The following TELO2 variants were observed in gnomAD, a reference collection of about 807,000 sequenced individuals.
The protein encoded by TELO2 is telomere length regulation protein TEL2 homolog.
In TELO2, 71 loss-of-function variants were observed where a neutral mutation model predicts 91.0. The ratio of observed to expected loss-of-function variants is 0.78; its 90% CI spans 0.64 to 0.95. The LOEUF (loss-of-function observed/expected upper bound fraction) is 0.95. TELO2 is among the 40% of genes least tolerant of loss of function. TELO2 has a pLI of 0.00. For synonymous variants in TELO2, 584 were observed against 518.9 expected, an observed-to-expected ratio of 1.13 and a Z score of -1.71; for missense variants, 1,183 against 1,141.3, an observed-to-expected ratio of 1.04 and a Z score of -0.53.
At chr16:1,498,722 G>GTGATACT (rs56079233) in intron 5 of TELO2, among the ~76,000 whole-genome samples, 1 of 151,340 alleles carries the variant, frequency 6.6e-6, no homozygotes, top group Non-Finnish European at 1.5e-5. Flanking sequence ...TTATTTCTTT[G>GTGATACT]TGTGGAATTT....
chr16:1,503,863 G>A (rs534297964), intron 15 of TELO2, among the ~76,000 whole-genome samples: 36 of 152,212 alleles, frequency 2.4e-4, no homozygotes, highest in Middle Eastern at 3.4e-3. Flanking sequence ...TGGGCGCGGC[G>A]GCTCATGCCT....
intron 19 of TELO2, 85 bp downstream of exon 19, chr16:1,507,455 T>C: frequency 6.4e-7 from 1 of 1,551,070 alleles, no homozygotes; most frequent in Admixed American, 1.8e-5. Context: ...AGCCTCGAGG[T>C]GGCTGACAGG....
rs753509937 is a variant in TELO2, at chr16:1,502,633, C to T, written c.1654-12C>T. ...GTCCGACAGGTTTCCCAGCCCTAAC[C>T]CCTGCGTGCAGGTGAGCGTGGAGCT... On this transcript the variant is annotated splice_polypyrimidine_tract_variant and intron_variant, in intron 13 of 20. Coordinates refer to ENST00000262319, the MANE Select transcript of TELO2 (RefSeq NM_016111.4). 4 of 1,609,464 alleles carry T rather than the reference C, an allele frequency of 2.5e-6. No homozygotes were observed. Among genetic ancestry groups the T allele is most frequent in the Non-Finnish European group, 1.7e-6 (2 of 1,179,518 alleles).
chr16:1,498,163 C>T (rs1052645433), intron 5 of TELO2, among the ~76,000 whole-genome samples: 3 of 151,870 alleles, frequency 2.0e-5, no homozygotes, highest in Admixed American at 6.6e-5. Flanking sequence ...TACAGGCGCC[C>T]GCCACCACAC....
Position 1,497,385 on chromosome 16 carries a change from C to A in TELO2, c.707C>A (p.Pro236His). The A allele has an allele frequency of 6.5e-7, 1 of 1,549,318 alleles. No homozygotes were observed. The highest frequency in any genetic ancestry group is 1.2e-5 in the South Asian group (1 of 83,904). The change falls in exon 5 of 21, where the codon CCC becomes CAC. Residue 236 changes from proline (P) to histidine (H), a missense_variant. Pro to His is a moderately conservative substitution (Grantham distance 77). Coordinates refer to ENST00000262319, the MANE Select transcript of TELO2 (RefSeq NM_016111.4). The surrounding 1 kb of genome is among the most constrained non-coding windows in gnomAD (Gnocchi z 4.0). Reference protein sequence around the residue: ...RQQEILGVLVPRLAALTQGSY... With the variant: ...RQQEILGVLVHRLAALTQGSY... The stretch of plus-strand genomic sequence containing the variant: ...GAGGAGATCCTGGGCGTGCTGGTAC[C>A]CCGGCTGGCAGCGCTCACCCAGGGC...
rs892030080 is a variant in TELO2, at chr16:1,509,224, C to T, written c.2408-606C>T. On this transcript the variant is annotated intron_variant, in intron 20 of 20. Coordinates refer to ENST00000262319, the MANE Select transcript of TELO2 (RefSeq NM_016111.4). ...AGCCGATCCCTTTCCACTCGGCTGG[C>T]GGGGTCCCGACAGGGTGTTCTCCTT... is the stretch of plus-strand genomic sequence containing the variant. 5.9e-5 allele frequency among the ~76,000 whole-genome samples: 9 copies of T among 152,160 alleles called. No homozygotes were observed. In the South Asian group the frequency reaches 6.2e-4, roughly 10 times the overall value.
At chr16:1,507,435 G>A (rs1253716325) in intron 19 of TELO2, 65 bp downstream of exon 19, 3 of 1,589,282 alleles carry the variant, frequency 1.9e-6, no homozygotes, top group Non-Finnish European at 2.6e-6. Flanking sequence ...TTATTGTGGG[G>A]GCCCCGTGGA....
chr16:1,505,626 C>A lies in TELO2; in HGVS notation c.2034+25C>A. The A allele has an allele frequency of 1.3e-6, 2 of 1,595,498 alleles. No homozygotes were observed. Among genetic ancestry groups the A allele is most frequent in the South Asian group, 1.1e-5 (1 of 90,120 alleles). Reference sequence around the variant, plus strand: ...GGTTAGTGGCGCCTGGTCAGCTCCTCACGGGCATGGGGACCGTGGGTGGGT... The same window carrying A: ...GGTTAGTGGCGCCTGGTCAGCTCCTAACGGGCATGGGGACCGTGGGTGGGT... On this transcript the variant is annotated intron_variant, in intron 16 of 20. Transcript: ENST00000262319. This position sits in a 1 kb window ranked among gnomAD's most constrained non-coding sequence, Gnocchi z 4.3.
intron 2 of TELO2, 126 bp from the exon 3 acceptor site, chr16:1,495,220 T>C (rs2039434944): frequency 7.5e-7 from 1 of 1,326,594 alleles, no homozygotes; most frequent in Non-Finnish European, 1.0e-6. Flanking sequence ...GGCTTGTGGT[T>C]TTGGACTTCA....
chr16:1,500,376 C>T lies in TELO2; in HGVS notation c.1032C>T (p.Gly344=). 1 of 1,596,386 alleles carries T rather than the reference C, an allele frequency of 6.3e-7. No homozygotes were observed. The highest frequency in any genetic ancestry group is 1.1e-5 in the South Asian group (1 of 88,908). The change falls in exon 8 of 21, where the codon GGC becomes GGT. Residue 344 remains glycine, a synonymous_variant. Coordinates refer to ENST00000262319, the MANE Select transcript of TELO2 (RefSeq NM_016111.4). The stretch of plus-strand genomic sequence containing the variant: ...TGAAGGAGCTGTTGGAGACGTGGGG[C>T]AGCAGCAGTGCCATCCGCCACACTC... ...QVLKELLETW[G]SSSAIRHTPL...
chr16:1,493,618 G>GTCGGGGA lies in TELO2; in HGVS notation c.-37+27_-37+33dup, dbSNP rs1304647819. 5 of 152,368 alleles carry GTCGGGGA rather than the reference G, an allele frequency of 3.3e-5. No individual in the cohort carries two copies. The highest frequency in any genetic ancestry group is 7.2e-5 in the African/African-American group (3 of 41,532). 9.4% of individuals were successfully genotyped at this position (152,368 alleles called of 1,614,324 possible). A position where few individuals can be genotyped will look rare whatever the true frequency, so the allele number is the denominator to read the frequency against. On this transcript the variant is annotated intron_variant, in intron 1 of 20. Transcript: ENST00000262319. This position sits in a 1 kb window ranked among gnomAD's most constrained non-coding sequence, Gnocchi z 4.3. Reference sequence around the variant, plus strand: ...GAGCCGGGTCCAGGTCGGGTTGGGGGTCGGGGATCGGGGATCGGGGGTCCG... The same window carrying GTCGGGGA: ...GAGCCGGGTCCAGGTCGGGTTGGGGGTCGGGGATCGGGGATCGGGGATCGGGGGTCCG...
intron 11 of TELO2, 67 bp downstream of exon 11, chr16:1,501,840 G>T (rs1000137124): frequency 4.6e-6 from 7 of 1,538,202 alleles, no homozygotes; most frequent in Non-Finnish European, 6.2e-6. Context: ...CACACTCCAA[G>T]CTGCGGCCCC....
intron 17 of TELO2, 28 bp downstream of exon 17, chr16:1,506,357 A>T (rs1199685918): frequency 1.2e-6 from 2 of 1,613,572 alleles, no homozygotes. Flanking sequence ...GGGCCTGTGG[A>T]CTTGGGGGAC....
Position 1,501,772 on chromosome 16 carries a change from A to G in TELO2, c.1471A>G (p.Ser491Gly). The G allele has an allele frequency of 6.2e-7, 1 of 1,606,630 alleles. No homozygotes were observed. Among genetic ancestry groups the G allele is most frequent in the Non-Finnish European group, 8.5e-7 (1 of 1,179,142 alleles). The change falls in exon 11 of 21, where the codon AGC becomes GGC. Residue 491 changes from serine (S) to glycine (G), a missense_variant and splice_region_variant. Ser to Gly is a moderately conservative substitution (Grantham distance 56, BLOSUM62 0). Coordinates refer to ENST00000262319, the MANE Select transcript of TELO2 (RefSeq NM_016111.4). ...QLAGSDSDLD[S>G]DDEFVPYDMS... ...GGCGGGCTCTGACTCGGACCTGGAC[A>G]GGTAGGGGCTCTGCCACCCCAGTGG...
chr16:1,500,076 G>T lies in TELO2; in HGVS notation c.934-20G>T. 1 of 1,606,298 alleles carries T rather than the reference G, an allele frequency of 6.2e-7. No homozygotes were observed. The stretch of plus-strand genomic sequence containing the variant: ...GGCGGCGGCCTCAGCCCAGTGGACA[G>T]GCATGTGCTTTTATTGCAGACGCCC... On this transcript the variant is annotated intron_variant, in intron 6 of 20. Transcript: ENST00000262319.
At chr16:1,500,958 C>T (rs929454123) in intron 9 of TELO2, among the ~76,000 whole-genome samples, 85 of 152,324 alleles carry the variant, frequency 5.6e-4, no homozygotes, top group African/African-American at 2.0e-3. Flanking sequence ...GACGGGGGCC[C>T]GAGGGAGGCT....
In TELO2 at chr16:1,494,381, T is replaced by A. The variant is rs564287048; in HGVS notation, c.100T>A (p.Ser34Thr). The change falls in exon 2 of 21, where the codon TCC (serine) becomes ACC (threonine). Residue 34 changes from serine (S) to threonine (T), a missense_variant. Physicochemically the swap from Ser to Thr is moderately conservative, Grantham distance 58 (BLOSUM62 1). Transcript: ENST00000262319. This position sits in a 1 kb window ranked among gnomAD's most constrained non-coding sequence, Gnocchi z 5.6. The part of the protein sequence containing the change: ...DGGHIFCTLE[S>T]LKRYLGEMEP... Reference sequence around the variant, plus strand: ...CGGCCACATCTTCTGCACCCTGGAGTCCCTGAAGCGGTATCTCGGTGAGAT... The same window carrying A: ...CGGCCACATCTTCTGCACCCTGGAGACCCTGAAGCGGTATCTCGGTGAGAT... 3.1e-6 allele frequency: 5 copies of A among 1,612,402 alleles called. No homozygotes were observed. The South Asian group carries it at 4.4e-5, about 14-fold the overall frequency.
In TELO2 at chr16:1,494,686, G is replaced by A; in HGVS notation, c.335+70G>A. ...GTGATGAGAGTGGCTTGAAGGACTG[G>A]ACCAAGAGCCTCTCTAGTCCCTGTG... On this transcript the variant is annotated intron_variant, in intron 2 of 20. Coordinates refer to ENST00000262319, the MANE Select transcript of TELO2 (RefSeq NM_016111.4). This position sits in a 1 kb window ranked among gnomAD's most constrained non-coding sequence, Gnocchi z 5.6. 1 of 1,472,120 alleles carries A rather than the reference G, an allele frequency of 6.8e-7. No homozygotes were observed. The highest frequency in any genetic ancestry group is 1.3e-5 in the South Asian group (1 of 77,096). The allele number at this position is 1,472,120 out of a possible 1,614,324, so 91.2% of individuals were successfully genotyped here. A position where few individuals can be genotyped will look rare whatever the true frequency, so the allele number is the denominator to read the frequency against.
Position 1,502,308 on chromosome 16 carries a change from T to C in TELO2, c.1562-5T>C, listed in dbSNP as rs1291127511. ...CTGACCGAGGCCTCTCTGGGTTCTG[T>C]GCAGCCCTGACCACGTCTGAGGACA... On this transcript the variant is annotated splice_region_variant and splice_polypyrimidine_tract_variant and intron_variant, in intron 12 of 20. Coordinates refer to ENST00000262319, the MANE Select transcript of TELO2 (RefSeq NM_016111.4). 6.2e-7 allele frequency: 1 copy of C among 1,601,662 alleles called. No homozygotes were observed.
Sources: allele counts gnomAD v4.1 joint callset (sites outside exome capture counted in the v4.1 genomes callset), GRCh38; gene constraint gnomAD v4.1.1; non-coding constraint Gnocchi (gnomAD v3.1); transcripts MANE v1.5; gene names NCBI Gene and HGNC (gene_info 2026-07-23, HGNC 2026-07-21).